Variants in PHKA2 observed in about 807,000 individuals in gnomAD.
PHKA2 encodes the protein phosphorylase kinase regulatory subunit alpha 2, also known as phosphorylase b kinase regulatory subunit alpha, liver isoform.
In PHKA2, 31 loss-of-function variants were observed where a neutral mutation model predicts 102.0. The observed-to-expected ratio is 0.30, with a 90% CI of 0.23 to 0.41. The LOEUF is 0.41. Among genes scored for constraint, PHKA2 ranks in the 10% least tolerant of loss-of-function variants. PHKA2 has a pLI of 1.00. For missense variants in PHKA2, 858 were observed against 1,023.1 expected, an observed-to-expected ratio of 0.84 and a Z score of 2.20; for synonymous variants, 455 against 416.2, an observed-to-expected ratio of 1.09 and a Z score of -1.13.
intron 17 of PHKA2, among the ~76,000 whole-genome samples, chrX:18,921,998 G>A (rs776380495): frequency 1.3e-4 from 15 of 112,648 alleles, no homozygotes; most frequent in African/African-American, 4.8e-4. Flanking sequence ...TGTAATCCCA[G>A]CACTTTGGGA....
intron 1 of PHKA2, among the ~76,000 whole-genome samples, chrX:18,968,822 A>G (rs1008213309): frequency 8.9e-6 from 1 of 112,667 alleles, no homozygotes; most frequent in Admixed American, 9.4e-5. Context: ...AAGCTCATAC[A>G]TGTTTCCCCA....
chrX:18,892,779 AG>A lies in PHKA2; in HGVS notation c.*705del, dbSNP rs1161645112. ...TTTTTTTCTAGATTCCAGAAGATGC[AG>A]TATTTTTCCTAAGGCAGGAGAAAAC... On this transcript the variant is annotated 3_prime_UTR_variant, in exon 33 of 33. Transcript: ENST00000379942. 1 of 107,320 alleles carries A rather than the reference AG, an allele frequency of 9.3e-6. No homozygotes were observed. The highest frequency in any genetic ancestry group is 1.9e-5 in the Non-Finnish European group (1 of 52,071). 8.8% of individuals were successfully genotyped at this position (107,320 alleles called of 1,213,427 possible). A position where few individuals can be genotyped will look rare whatever the true frequency, so the allele number is the denominator to read the frequency against.
intron 9 of PHKA2, among the ~76,000 whole-genome samples, chrX:18,939,576 C>T (rs2048455256): frequency 8.9e-6 from 1 of 112,170 alleles, no homozygotes; most frequent in Non-Finnish European, 1.9e-5. Context: ...TCAGTGCAAG[C>T]TCCGCCTCCC....
intron 28 of PHKA2, among the ~76,000 whole-genome samples, chrX:18,899,836 C>T (rs184152496): frequency 8.9e-6 from 1 of 111,836 alleles, no homozygotes; most frequent in East Asian, 2.8e-4. Flanking sequence ...ATTTTTGGAA[C>T]AAATAATATG....
Position 18,905,767 on chromosome X carries a change from C to G in PHKA2, c.2899G>C (p.Glu967Gln), listed in dbSNP as rs1288852537. 1.7e-6 allele frequency: 2 copies of G among 1,195,858 alleles called. No individual in the cohort carries two copies. The highest frequency in any genetic ancestry group is 2.3e-6 in the Non-Finnish European group (2 of 880,759). The stretch of plus-strand genomic sequence containing the variant: ...GGAGCATGGAACTTACCACTTCTTT[C>G]AACGCCAAACTCTTTCCCACTTAGA... The part of the protein sequence containing the change: ...HILSGKEFGV[E>Q]RSVRPIHSST... The change falls in exon 26 of 33, where the codon GAA (glutamate) becomes CAA (glutamine). Residue 967 changes from glutamate (E) to glutamine (Q), a missense_variant. Transcript: ENST00000379942.
intron 14 of PHKA2, among the ~76,000 whole-genome samples, chrX:18,926,209 A>G: frequency 8.9e-6 from 1 of 112,617 alleles, no homozygotes; most frequent in Admixed American, 9.3e-5. Flanking sequence ...TAAATTTTTC[A>G]AGGTGGCTCC....
rs142468598 is a variant in PHKA2, at chrX:18,922,215, C to G, written c.1793+1841G>C. On this transcript the variant is annotated intron_variant, in intron 17 of 32. Transcript: ENST00000379942. ...GAGCCGAGATTGTGCCACTGCACTCCAGCCTGGGCAACAAGAGTGAAACTC... is the reference window on the plus strand; with the variant it reads ...GAGCCGAGATTGTGCCACTGCACTCGAGCCTGGGCAACAAGAGTGAAACTC... 6.1e-3 allele frequency among the ~76,000 whole-genome samples: 666 copies of G among 109,741 alleles called. 5 individuals are homozygous for G. The highest frequency in any genetic ancestry group is 0.021 in the African/African-American group (633 of 30,069).
In PHKA2 at chrX:18,908,195, A is replaced by G. The variant is rs994394708; in HGVS notation, c.2361-139T>C. On this transcript the variant is annotated intron_variant, in intron 21 of 32. Transcript: ENST00000379942. ...CACTGAGAGGGTTACGCCCGACCAA[A>G]GCTTCCCTATGTCCTTTGAAACAGA... 8.1e-6 allele frequency: 5 copies of G among 618,534 alleles called. No individual in the cohort carries two copies. In the African/African-American group the frequency reaches 1.1e-4, roughly 14 times the overall value. 51.0% of individuals were successfully genotyped at this position (618,534 alleles called of 1,213,427 possible). A position where few individuals can be genotyped will look rare whatever the true frequency, so the allele number is the denominator to read the frequency against.
At chrX:18,897,751 ACAGT>A (rs1217795843) in intron 29 of PHKA2, 13 of 163,329 alleles carry the variant, frequency 8.0e-5, no homozygotes, top group Admixed American at 5.8e-4. Context: ...CAGTGGGGAC[ACAGT>A]CAGGCATCCT....
intron 1 of PHKA2, among the ~76,000 whole-genome samples, chrX:18,970,675 T>C (rs2148029913): frequency 8.9e-6 from 1 of 112,222 alleles, no homozygotes; most frequent in Non-Finnish European, 1.9e-5. Flanking sequence ...GATATGGGCC[T>C]CCTGGGTCAT....
intron 29 of PHKA2, among the ~76,000 whole-genome samples, chrX:18,898,775 C>T (rs760374868): frequency 4.5e-5 from 5 of 112,306 alleles, no homozygotes; most frequent in Non-Finnish European, 7.5e-5. Flanking sequence ...GAGCTCAATC[C>T]GAGCCCTGCA....
intron 1 of PHKA2, 50 bp downstream of exon 1, chrX:18,983,805 T>C (rs771199506): frequency 4.9e-6 from 5 of 1,022,800 alleles, no homozygotes; most frequent in Non-Finnish European, 6.9e-6. Flanking sequence ...GGAGAATGAG[T>C]TACATGAGAG....
intron 1 of PHKA2, among the ~76,000 whole-genome samples, chrX:18,962,973 G>A (rs1275915179): frequency 2.7e-5 from 3 of 112,428 alleles, no homozygotes; most frequent in African/African-American, 9.7e-5. Flanking sequence ...GTGTTAAGGG[G>A]AGGCTTCAAA....
intron 29 of PHKA2, among the ~76,000 whole-genome samples, chrX:18,898,745 T>C (rs1052053419): frequency 2.7e-5 from 3 of 112,493 alleles, no homozygotes; most frequent in Non-Finnish European, 3.8e-5. Context: ...AGGAGGAAGA[T>C]TCAGCCTCTG....
chrX:18,937,491 G>A (rs1227516436), intron 10 of PHKA2, among the ~76,000 whole-genome samples: 2 of 111,473 alleles, frequency 1.8e-5, no homozygotes, highest in African/African-American at 3.3e-5. Context: ...GTTGTGGGTC[G>A]TAGGAGCACC....
chrX:18,939,286 C>A (rs1308810728), intron 9 of PHKA2, among the ~76,000 whole-genome samples: 1 of 111,202 alleles, frequency 9.0e-6, no homozygotes, highest in African/African-American at 3.3e-5. Flanking sequence ...AGTGATCCTA[C>A]CACCTCAGCC....
chrX:18,925,869 G>T, intron 14 of PHKA2, 92 bp from the exon 15 acceptor site: 1 of 614,755 alleles, frequency 1.6e-6, no homozygotes. Flanking sequence ...CTTATTTCTA[G>T]ATTAGACAAC....
At position 18,908,951 on chromosome X, in the gene PHKA2, C is replaced by G. The variant is rs756957368; in HGVS notation, c.2227-17G>C. 2 of 1,210,831 alleles carry G rather than the reference C, an allele frequency of 1.7e-6. No individual in the cohort carries two copies. The highest frequency in any genetic ancestry group is 3.5e-5 in the South Asian group (2 of 56,990). ...TTCAGGAACCTGTTCATACAAGAGC[C>G]AGAAAGCAGGGAGATGGGCTAGGCA... On this transcript the variant is annotated splice_polypyrimidine_tract_variant and intron_variant, in intron 20 of 32. Transcript: ENST00000379942.
intron 4 of PHKA2, among the ~76,000 whole-genome samples, chrX:18,949,164 A>G (rs1007381606): frequency 1.8e-5 from 2 of 111,755 alleles, no homozygotes; most frequent in Non-Finnish European, 3.8e-5. Context: ...ATTTTAGTCC[A>G]GAAGAACCAG....
Sources: allele counts gnomAD v4.1 joint callset (sites outside exome capture counted in the v4.1 genomes callset), GRCh38; gene constraint gnomAD v4.1.1; transcripts MANE v1.5; gene names NCBI Gene and HGNC (gene_info 2026-07-23, HGNC 2026-07-21).